MIA2: variants seen among roughly 807,000 people sequenced by gnomAD.
MIA2 encodes MIA SH3 domain ER export factor 2.
MIA2 carries 127 observed loss-of-function variants against 167.8 expected under a neutral mutation model. The ratio of observed to expected loss-of-function variants is 0.76; its 90% CI spans 0.66 to 0.88. The LOEUF (loss-of-function observed/expected upper bound fraction) is 0.88. Among genes scored for constraint, MIA2 ranks in the 40% least tolerant of loss-of-function variants. The pLI is 0.00. For synonymous variants in MIA2, 552 were observed against 541.9 expected, an observed-to-expected ratio of 1.02 and a Z score of -0.26; for missense variants, 1,690 against 1,624.7, an observed-to-expected ratio of 1.04 and a Z score of -0.69.
At position 39,298,435 on chromosome 14, in the gene MIA2, A is replaced by G. The variant is rs1320529389; in HGVS notation, c.2497-1429A>G. ...GTTTTATATATATATATATATATAT[A>G]TATATATAAAGATTAGTTTTTCATG... On this transcript the variant is annotated intron_variant, in intron 13 of 28. Transcript: ENST00000640607. Among the ~76,000 whole-genome samples, 149 of 18,328 alleles carry G rather than the reference A, an allele frequency of 8.1e-3. 13 individuals carry two copies. Among genetic ancestry groups the G allele is most frequent in the Non-Finnish European group, 0.012 (108 of 9,340 alleles). 12.0% of individuals were successfully genotyped at this position (18,328 alleles called of 152,430 possible).
In MIA2 at chr14:39,320,945, C is replaced by G. The variant is rs36060072; in HGVS notation, c.3385C>G (p.Pro1129Ala). 5.8e-3 allele frequency: 9,406 copies of G among 1,613,264 alleles called. 39 individuals are homozygous for G. Among genetic ancestry groups the G allele is most frequent in the Non-Finnish European group, 6.8e-3 (8,060 of 1,179,556 alleles). Residue 1129 changes from proline (P) to alanine (A), a missense_variant, in exon 24 of 29, where the codon CCC (proline) becomes GCC (alanine). By Grantham distance (27) the Pro-to-Ala change is conservative. Coordinates refer to ENST00000640607, the MANE Select transcript of MIA2 (RefSeq NM_001329214.4). Reference protein sequence around the residue: ...AFGREHSPYGPSPLGWPSSET... With the variant: ...AFGREHSPYGASPLGWPSSET... ...TATTCCAGAGCATTCCCCATATGGT[C>G]CCTCACCATTGGGTTGGCCTTCATC...
chr14:39,251,739 A>G (rs367565013), intron 4 of MIA2, among the ~76,000 whole-genome samples: 2 of 152,234 alleles, frequency 1.3e-5, no homozygotes, highest in South Asian at 4.1e-4. Flanking sequence ...TGTTTGCTCA[A>G]TTGGGACTTT....
At chr14:39,288,442 T>TTAC (rs2060117480) in intron 9 of MIA2, among the ~76,000 whole-genome samples, 1 of 9,764 alleles carries the variant, frequency 1.0e-4, no homozygotes, top group Non-Finnish European at 2.8e-4. Flanking sequence ...CATATATATA[T>TTAC]ATATATATAT....
intron 13 of MIA2, among the ~76,000 whole-genome samples, chr14:39,299,174 T>C (rs1314897456): frequency 6.6e-6 from 1 of 151,642 alleles, no homozygotes; most frequent in Non-Finnish European, 1.5e-5. Flanking sequence ...TTAAGCTTTA[T>C]GTAGTCAAGT....
chr14:39,334,759 G>C (rs979491121), intron 25 of MIA2, among the ~76,000 whole-genome samples: 4 of 151,960 alleles, frequency 2.6e-5, no homozygotes, highest in Admixed American at 2.0e-4. Flanking sequence ...GTAGAGACGG[G>C]GTTTCACCAT....
chr14:39,347,893 C>A, intron 27 of MIA2, 122 bp downstream of exon 27: 1 of 870,602 alleles, frequency 1.1e-6, no homozygotes, highest in Non-Finnish European at 1.7e-6. Context: ...GCTATCTCGG[C>A]TCACTGCAAC....
At position 39,285,389 on chromosome 14, in the gene MIA2, C is replaced by A. The variant is rs187553507; in HGVS notation, c.2131-5630C>A. 1.5e-5 allele frequency among the ~76,000 whole-genome samples: 2 copies of A among 135,202 alleles called. 1 individual carries two copies. Among genetic ancestry groups the A allele is most frequent in the South Asian group, 5.0e-4 (2 of 3,982 alleles). 88.7% of individuals were successfully genotyped at this position (135,202 alleles called of 152,430 possible). On this transcript the variant is annotated intron_variant, in intron 9 of 28. Coordinates refer to ENST00000640607, the MANE Select transcript of MIA2 (RefSeq NM_001329214.4). ...GCGGCCGGGCGGGGGCTGCCCCCCA[C>A]CTCCCTCCCGGAAGGGGCGGCTGGC...
intron 23 of MIA2, among the ~76,000 whole-genome samples, chr14:39,376,438 A>C (rs1168079032): frequency 1.3e-5 from 2 of 152,340 alleles, no homozygotes; most frequent in East Asian, 3.9e-4. Flanking sequence ...AATGTTTTTA[A>C]AGATAGCTCT....
chr14:39,324,095 TTAGAG>T (rs2066984805), intron 24 of MIA2, among the ~76,000 whole-genome samples: 1 of 152,226 alleles, frequency 6.6e-6, no homozygotes, highest in Non-Finnish European at 1.5e-5. Flanking sequence ...CAATTTCTTC[TTAGAG>T]TAAATTGTAT....
chr14:39,330,288 T>A (rs988362058), intron 25 of MIA2, among the ~76,000 whole-genome samples: 25 of 152,218 alleles, frequency 1.6e-4, no homozygotes, highest in Non-Finnish European at 2.8e-4. Context: ...GATGGTAGTT[T>A]GTATTTCTGT....
At chr14:39,329,244 T>C (rs951047541) in intron 25 of MIA2, among the ~76,000 whole-genome samples, 4 of 152,126 alleles carry the variant, frequency 2.6e-5, no homozygotes, top group East Asian at 1.9e-4. Flanking sequence ...AATGGGAGTT[T>C]GGTCATGATT....
chr14:39,381,635 C>T (rs1216198211), intron 23 of MIA2, among the ~76,000 whole-genome samples: 1 of 151,142 alleles, frequency 6.6e-6, no homozygotes, highest in Non-Finnish European at 1.5e-5. Context: ...AATAAAGTCC[C>T]TGTGTAGTCA....
At chr14:39,285,338 C>T (rs1338018237) in intron 9 of MIA2, among the ~76,000 whole-genome samples, 2 of 151,474 alleles carry the variant, frequency 1.3e-5, no homozygotes, top group South Asian at 2.1e-4. Context: ...CGGGCAGAGG[C>T]GCCCCCCCAC....
At chr14:39,305,519 G>A (rs184636017) in intron 17 of MIA2, among the ~76,000 whole-genome samples, 5 of 152,270 alleles carry the variant, frequency 3.3e-5, no homozygotes, top group Admixed American at 3.3e-4. Flanking sequence ...AATGGATCAT[G>A]AAAGATAAAT....
chr14:39,321,120 T>G, intron 24 of MIA2, 64 bp downstream of exon 24: 1 of 1,481,900 alleles, frequency 6.7e-7, no homozygotes, highest in Non-Finnish European at 9.2e-7. Flanking sequence ...TCATCTCAAC[T>G]TACCTTAAAA....
rs758366503 is a variant in MIA2 at position 39,302,236 on chromosome 14, T to C, written c.2727T>C (p.Asn909=). 3 of 1,613,750 alleles carry C rather than the reference T, an allele frequency of 1.9e-6. No homozygotes were observed. The highest frequency in any genetic ancestry group is 2.5e-6 in the Non-Finnish European group (3 of 1,179,760). The change falls in exon 15 of 29, where the codon AAT becomes AAC. Residue 909 remains asparagine (N), a synonymous_variant. Coordinates refer to ENST00000640607, the MANE Select transcript of MIA2 (RefSeq NM_001329214.4). ...LELEMNSESE[N]GAYLDNPPKG... is the part of the protein sequence containing the mutation. ...TAGAAATGAACAGTGAATCGGAAAA[T>C]GGTGCTTACTTAGGTATTAAGTCAT... is the stretch of plus-strand genomic sequence containing the variant.
chr14:39,347,573 G>A, intron 26 of MIA2, 140 bp from the exon 27 acceptor site: 1 of 736,992 alleles, frequency 1.4e-6, no homozygotes, highest in Non-Finnish European at 2.3e-6. Context: ...TGTTCTTGTG[G>A]CCGCAATATA....
chr14:39,261,363 C>T (rs575286539), intron 6 of MIA2, among the ~76,000 whole-genome samples: 5 of 152,214 alleles, frequency 3.3e-5, no homozygotes, highest in Admixed American at 6.5e-5. Flanking sequence ...TGTATATGTG[C>T]CACATTTTCT....
At chr14:39,251,274 C>A (rs781618470) in intron 4 of MIA2, among the ~76,000 whole-genome samples, 2 of 152,088 alleles carry the variant, frequency 1.3e-5, no homozygotes, top group Middle Eastern at 3.4e-3. Flanking sequence ...ATGTGCATAA[C>A]GATTTTACAA....
Sources: allele counts gnomAD v4.1 joint callset (sites outside exome capture counted in the v4.1 genomes callset), GRCh38; gene constraint gnomAD v4.1.1; transcripts MANE v1.5; gene names NCBI Gene and HGNC (gene_info 2026-07-23, HGNC 2026-07-21).